TOM1L2: variants seen among roughly 807,000 people sequenced by gnomAD.
TOM1L2 encodes target of myb1 like 2 membrane trafficking protein.
Under a neutral mutation model 67.9 loss-of-function variants are expected in TOM1L2, and 31 were observed. That is an observed-to-expected ratio of 0.46 (90% confidence interval 0.34 to 0.62). The LOEUF (loss-of-function observed/expected upper bound fraction) is 0.62, where lower values mean the gene tolerates loss of function less well. TOM1L2 is among the 20% of genes least tolerant of loss of function. TOM1L2 has a pLI of 0.01. For missense variants in TOM1L2, 606 were observed against 663.5 expected (o/e 0.91, Z 0.95); for synonymous variants, 256 against 254.0 (o/e 1.01, Z -0.07).
At chr17:17,897,948 C>T (rs1270081619) in intron 3 of TOM1L2, among the ~76,000 whole-genome samples, 9 of 133,666 alleles carry the variant, frequency 6.7e-5, no homozygotes, top group African/African-American at 2.6e-4. Flanking sequence ...TTTTTTGAGA[C>T]GAAGTCTCAC....
At chr17:17,884,529 T>C (rs2037891880) in intron 5 of TOM1L2, 105 bp downstream of exon 5, 1 of 1,508,310 alleles carries the variant, frequency 6.6e-7, no homozygotes, top group Non-Finnish European at 9.1e-7. Flanking sequence ...GAAAGCATGA[T>C]GACAAGCTGA....
intron 2 of TOM1L2, among the ~76,000 whole-genome samples, chr17:17,901,892 A>C (rs545520458): frequency 4.6e-5 from 7 of 152,314 alleles, no homozygotes; most frequent in Admixed American, 1.3e-4. Flanking sequence ...ACAGAGTCTA[A>C]AACAGTCCCA....
At chr17:17,875,973 C>T (rs1252116247) in intron 7 of TOM1L2, among the ~76,000 whole-genome samples, 2 of 152,242 alleles carry the variant, frequency 1.3e-5, no homozygotes, top group South Asian at 2.1e-4. Flanking sequence ...AGAGGAGATA[C>T]ACCATCTGCT....
At chr17:17,955,175 A>G (rs2041377160) in intron 1 of TOM1L2, among the ~76,000 whole-genome samples, 1 of 152,110 alleles carries the variant, frequency 6.6e-6, no homozygotes. Flanking sequence ...AATTATAGAA[A>G]CAAACTCAAC....
intron 12 of TOM1L2, among the ~76,000 whole-genome samples, chr17:17,851,958 T>G (rs2036003570): frequency 6.6e-6 from 1 of 152,162 alleles, no homozygotes; most frequent in African/African-American, 2.4e-5. Flanking sequence ...AAATATGACA[T>G]GATAAGAAGC....
At chr17:17,858,003 CT>C in intron 12 of TOM1L2, 1 of 675,842 alleles carries the variant, frequency 1.5e-6, no homozygotes, top group Non-Finnish European at 2.5e-6. Context: ...GCACGTCCCC[CT>C]TACCTGCCTG....
At position 17,893,852 on chromosome 17, in the gene TOM1L2, C is replaced by T. The variant is rs746408032; in HGVS notation, c.217-42G>A. ...AGGAAAAGGGTCACCCCAGTGGGAG[C>T]TGGAGAAGACACTGGGAACTGAGGA... On this transcript the variant is annotated intron_variant, in intron 3 of 14. Coordinates refer to ENST00000379504, the MANE Select transcript of TOM1L2 (RefSeq NM_001082968.2). 5 of 1,593,678 alleles carry T rather than the reference C, an allele frequency of 3.1e-6. No homozygotes were observed. In the Admixed American group the frequency reaches 8.6e-5, roughly 27 times the overall value.
At chr17:17,850,077 C>A (rs1029704027) in intron 13 of TOM1L2, among the ~76,000 whole-genome samples, 1 of 152,292 alleles carries the variant, frequency 6.6e-6, no homozygotes, top group African/African-American at 2.4e-5. Flanking sequence ...GGCTCTTCTG[C>A]CTGGGGACAA....
At chr17:17,869,192 C>A in intron 8 of TOM1L2, 148 bp downstream of exon 8, 1 of 1,452,192 alleles carries the variant, frequency 6.9e-7, no homozygotes, top group African/African-American at 1.4e-5. Flanking sequence ...TCCTGTCAGC[C>A]GGGAACAAAT....
chr17:17,919,439 G>A (rs2039760640), intron 1 of TOM1L2, among the ~76,000 whole-genome samples: 2 of 152,168 alleles, frequency 1.3e-5, no homozygotes, highest in African/African-American at 4.8e-5. Flanking sequence ...TAGCTTTCTG[G>A]ATTTCTGGGT....
rs2145006301 is a variant in TOM1L2, at chr17:17,960,168, T to G, written c.52+12094A>C. 1.3e-5 allele frequency among the ~76,000 whole-genome samples: 2 copies of G among 149,696 alleles called. 1 individual carries two copies. Among genetic ancestry groups the G allele is most frequent in the South Asian group, 4.2e-4 (2 of 4,724 alleles). The stretch of plus-strand genomic sequence containing the variant: ...GGTCTGGATTTAAGACAACTATTAC[T>G]AGATTTTTCAGCTACCAAGTTCATT... On this transcript the variant is annotated intron_variant, in intron 1 of 14. Coordinates refer to ENST00000379504, the MANE Select transcript of TOM1L2 (RefSeq NM_001082968.2).
chr17:17,965,188 T>C (rs1284179721), intron 1 of TOM1L2, among the ~76,000 whole-genome samples: 1 of 151,942 alleles, frequency 6.6e-6, no homozygotes, highest in African/African-American at 2.4e-5. Flanking sequence ...ACCTCTGTAA[T>C]GATATTCATG....
chr17:17,853,779 G>A (rs80185456), intron 12 of TOM1L2, among the ~76,000 whole-genome samples: 1 of 152,230 alleles, frequency 6.6e-6, no homozygotes, highest in East Asian at 1.9e-4. Context: ...GAGAGCTCCT[G>A]AGTTTCTTCT....
chr17:17,932,945 AT>A (rs538326344), intron 1 of TOM1L2, among the ~76,000 whole-genome samples: 2 of 152,304 alleles, frequency 1.3e-5, no homozygotes, highest in East Asian at 3.9e-4. Flanking sequence ...ATGTAAATAC[AT>A]TTCCCCCTTG....
At chr17:17,887,154 A>G (rs2038040722) in intron 4 of TOM1L2, among the ~76,000 whole-genome samples, 1 of 152,234 alleles carries the variant, frequency 6.6e-6, no homozygotes, top group Non-Finnish European at 1.5e-5. Flanking sequence ...CTCTTTGCCT[A>G]GGCAAGCTGG....
intron 5 of TOM1L2, among the ~76,000 whole-genome samples, chr17:17,883,501 G>A (rs1369781568): frequency 6.6e-6 from 1 of 152,292 alleles, no homozygotes; most frequent in Admixed American, 6.5e-5. Context: ...TTGGGAGGAC[G>A]AGGCGGGTGG....
At chr17:17,878,004 C>CG (rs1268831045) in intron 7 of TOM1L2, among the ~76,000 whole-genome samples, 1 of 152,182 alleles carries the variant, frequency 6.6e-6, no homozygotes, top group East Asian at 1.9e-4. Context: ...GCCAGGAGCA[C>CG]GGCTCTATCC....
chr17:17,890,637 G>A (rs1479345339), intron 4 of TOM1L2, among the ~76,000 whole-genome samples: 5 of 152,124 alleles, frequency 3.3e-5, no homozygotes, highest in African/African-American at 9.7e-5. Context: ...CACAAACACA[G>A]CAGAGGCAAC....
chr17:17,847,845 C>T (rs900701260), intron 14 of TOM1L2, 62 bp from the exon 15 acceptor site: 9 of 1,606,634 alleles, frequency 5.6e-6, no homozygotes, highest in South Asian at 3.3e-5. Context: ...AGGAAGCGCA[C>T]CCTTCCACTC....
Sources: gnomAD v4.1 joint callset for allele counts (sites outside exome capture counted in the v4.1 genomes callset) on GRCh38, gnomAD v4.1.1 for gene constraint, MANE v1.5 for transcripts, NCBI Gene and HGNC (gene_info 2026-07-23, HGNC 2026-07-21) for gene names.